Variants in RFC1 observed in about 807,000 individuals in gnomAD.
The protein encoded by RFC1 is replication factor C subunit 1.
Under a neutral mutation model 137.4 loss-of-function variants are expected in RFC1, and 37 were observed. That is an observed-to-expected ratio of 0.27 (90% CI 0.21 to 0.35). RFC1 has a LOEUF of 0.35. Among genes scored for constraint, RFC1 ranks in the 10% least tolerant of loss-of-function variants. RFC1 has a pLI of 1.00. For synonymous variants in RFC1, 429 were observed against 455.7 expected (o/e 0.94, Z 0.75); for missense variants, 1,205 against 1,358.5 (o/e 0.89, Z 1.78).
chr4:39,326,993 G>A (rs1302516387), intron 5 of RFC1, among the ~76,000 whole-genome samples: 3 of 152,186 alleles, frequency 2.0e-5, no homozygotes, highest in Non-Finnish European at 4.4e-5. Context: ...TTGTTCTATG[G>A]AGGAAGTGAT....
intron 1 of RFC1, among the ~76,000 whole-genome samples, chr4:39,354,832 C>T (rs1390195332): frequency 2.0e-5 from 3 of 151,342 alleles, no homozygotes; most frequent in Non-Finnish European, 2.9e-5. Flanking sequence ...CCTGTAATCC[C>T]GGCACTTTGG....
intron 1 of RFC1, among the ~76,000 whole-genome samples, chr4:39,358,679 T>A (rs1055480674): frequency 1.3e-5 from 2 of 152,226 alleles, no homozygotes; most frequent in African/African-American, 2.4e-5. Flanking sequence ...CCACTAATCA[T>A]GCCAATTGTT....
At chr4:39,353,741 G>A (rs1287987868) in intron 1 of RFC1, among the ~76,000 whole-genome samples, 1 of 152,170 alleles carries the variant, frequency 6.6e-6, no homozygotes, top group Non-Finnish European at 1.5e-5. Context: ...ACTGTTCTAA[G>A]TGAGCTCATA....
chr4:39,322,183 A>C (rs2109672202), intron 7 of RFC1: 1 of 152,358 alleles, frequency 6.6e-6, no homozygotes, highest in Middle Eastern at 3.4e-3. Flanking sequence ...AGGCAGGCAG[A>C]TCACTTGAGC....
At chr4:39,343,083 C>T (rs181039924) in intron 3 of RFC1, among the ~76,000 whole-genome samples, 3 of 152,236 alleles carry the variant, frequency 2.0e-5, no homozygotes, top group Admixed American at 2.0e-4. Context: ...AGTGCAGTGG[C>T]GTGATCTCAG....
rs1737480794 is a variant in RFC1 at position 39,288,294 on chromosome 4, G to A, written c.*467C>T. On this transcript the variant is annotated 3_prime_UTR_variant, in exon 25 of 25. Coordinates refer to ENST00000349703, the MANE Select transcript of RFC1 (RefSeq NM_002913.5). ...TACAAAGAATACCCAGTTCTAGGTG[G>A]TGACTGTTTTGTATAATCATTTATT... The A allele has an allele frequency of 6.6e-6, 1 of 152,438 alleles. No homozygotes were observed. The highest frequency in any genetic ancestry group is 2.4e-5 in the African/African-American group (1 of 41,358). The allele number at this position is 152,438 out of a possible 1,614,324, so 9.4% of individuals were successfully genotyped here.
chr4:39,291,083 G>A (rs1175820062), intron 23 of RFC1, among the ~76,000 whole-genome samples: 2 of 152,114 alleles, frequency 1.3e-5, no homozygotes, highest in Non-Finnish European at 2.9e-5. Flanking sequence ...CTTCTAAAAC[G>A]CATTCATTAC....
chr4:39,355,033 G>A (rs560486444), intron 1 of RFC1, among the ~76,000 whole-genome samples: 1 of 140,848 alleles, frequency 7.1e-6, no homozygotes, highest in African/African-American at 2.7e-5. Context: ...AGTAAGCCAA[G>A]AATGCCCCTT....
intron 6 of RFC1, among the ~76,000 whole-genome samples, chr4:39,324,780 G>C (rs1057358850): frequency 6.6e-6 from 1 of 152,154 alleles, no homozygotes; most frequent in Non-Finnish European, 1.5e-5. Flanking sequence ...TAATTAAATA[G>C]CAAGTATAAT....
intron 1 of RFC1, among the ~76,000 whole-genome samples, chr4:39,364,062 A>ATG (rs1741896810): frequency 6.8e-6 from 1 of 146,606 alleles, no homozygotes; most frequent in East Asian, 2.0e-4. Context: ...CCTGGGCAAC[A>ATG]GAGCAAGACC....
intron 1 of RFC1, among the ~76,000 whole-genome samples, chr4:39,356,468 C>A (rs1233717126): frequency 6.6e-6 from 1 of 152,162 alleles, no homozygotes; most frequent in Non-Finnish European, 1.5e-5. Flanking sequence ...CAACTGCACT[C>A]AGAAAGAGAG....
intron 5 of RFC1, 61 bp downstream of exon 5, chr4:39,327,463 T>G: frequency 9.8e-7 from 1 of 1,018,220 alleles, no homozygotes; most frequent in African/African-American, 1.6e-5. Flanking sequence ...TAGTTTCTCC[T>G]GTTAATATTA....
intron 14 of RFC1, among the ~76,000 whole-genome samples, chr4:39,306,162 GC>G (rs1278160368): frequency 1.1e-4 from 16 of 152,140 alleles, no homozygotes; most frequent in Admixed American, 7.2e-4. Flanking sequence ...CCTGAGTCGC[GC>G]TACCGGGTGA....
intron 21 of RFC1, among the ~76,000 whole-genome samples, chr4:39,298,900 C>T (rs1166964968): frequency 1.1e-4 from 16 of 152,132 alleles, no homozygotes; most frequent in African/African-American, 2.7e-4. Flanking sequence ...GGGCGGATCA[C>T]GAGGTCAGGA....
intron 21 of RFC1, among the ~76,000 whole-genome samples, chr4:39,298,148 C>T (rs1578106687): frequency 6.6e-6 from 1 of 151,880 alleles, no homozygotes; most frequent in South Asian, 2.1e-4. Context: ...GTCTCTACAA[C>T]GAATACAAAA....
At chr4:39,303,333 A>T (rs1578114643) in intron 15 of RFC1, 182 bp from the exon 16 acceptor site, 3 of 553,650 alleles carry the variant, frequency 5.4e-6, no homozygotes, top group Non-Finnish European at 6.4e-6. Context: ...GAGAAGAGAA[A>T]CTCTCCCTGC....
In RFC1 at chr4:39,312,781, G is replaced by A; in HGVS notation, c.1354C>T (p.Arg452Cys). 3 of 1,614,006 alleles carry A rather than the reference G, an allele frequency of 1.9e-6. No individual in the cohort carries two copies. The highest frequency in any genetic ancestry group is 1.1e-5 in the South Asian group (1 of 91,066). Residue 452 changes from arginine to cysteine, a missense_variant, in exon 11 of 25, where the codon CGT becomes TGT. Transcript: ENST00000349703. Reference sequence around the variant, plus strand: ...TCACTCTTGGACTGTCCACTATCACGACCCATGACAAGATAATTTGTTTTC... The same window carrying A: ...TCACTCTTGGACTGTCCACTATCACAACCCATGACAAGATAATTTGTTTTC... ...SKKTNYLVMG[R>C]DSGQSKSDKA... is the part of the protein sequence containing the mutation.
intron 1 of RFC1, among the ~76,000 whole-genome samples, chr4:39,360,233 GC>G (rs1741685414): frequency 6.6e-6 from 1 of 151,974 alleles, no homozygotes; most frequent in South Asian, 2.1e-4. Flanking sequence ...AGGTGCGGTG[GC>G]TCACCCCTGT....
At chr4:39,360,736 G>GA (rs1284878647) in intron 1 of RFC1, among the ~76,000 whole-genome samples, 59 of 150,030 alleles carry the variant, frequency 3.9e-4, no homozygotes, top group Non-Finnish European at 6.2e-4. Flanking sequence ...CTCTGTCTCA[G>GA]AAAAAAAAAG....
Sources: allele counts gnomAD v4.1 joint callset (sites outside exome capture counted in the v4.1 genomes callset), GRCh38; gene constraint gnomAD v4.1.1; transcripts MANE v1.5; gene names NCBI Gene and HGNC (gene_info 2026-07-23, HGNC 2026-07-21).